The following STPG2 variants were observed in gnomAD, a reference collection of about 807,000 sequenced individuals.
The protein encoded by STPG2 is sperm tail PG-rich repeat containing 2, also known as sperm-tail PG-rich repeat-containing protein 2.
In STPG2, 56 loss-of-function variants were observed where a neutral mutation model predicts 54.2. That is an observed-to-expected ratio of 1.03 (90% CI 0.83 to 1.29). The LOEUF is 1.29. STPG2 is among the 50% of genes most tolerant of loss of function. STPG2 has a pLI of 0.00. For synonymous variants in STPG2, 200 were observed against 181.8 expected, an observed-to-expected ratio of 1.10 and a Z score of -0.81; for missense variants, 596 against 544.9, an observed-to-expected ratio of 1.09 and a Z score of -0.93.
At chr4:97,595,028 G>A (rs1013503188) in intron 10 of STPG2, among the ~76,000 whole-genome samples, 3 of 152,148 alleles carry the variant, frequency 2.0e-5, no homozygotes, top group Non-Finnish European at 4.4e-5. Flanking sequence ...CAACCATTGT[G>A]GAAGTCAGTG....
At chr4:97,766,056 G>A (rs760597369) in intron 9 of STPG2, among the ~76,000 whole-genome samples, 9 of 152,034 alleles carry the variant, frequency 5.9e-5, no homozygotes, top group Non-Finnish European at 1.0e-4. Flanking sequence ...GATATTGGGA[G>A]GTACTGATAG....
intron 9 of STPG2, among the ~76,000 whole-genome samples, chr4:97,799,413 A>T (rs1727306241): frequency 6.6e-6 from 1 of 152,138 alleles, no homozygotes; most frequent in Admixed American, 6.6e-5. Context: ...GCTTGTCTGT[A>T]AAGGATTTTA....
chr4:97,901,294 C>A (rs1351501728), intron 8 of STPG2, among the ~76,000 whole-genome samples: 1 of 151,764 alleles, frequency 6.6e-6, no homozygotes, highest in African/African-American at 2.4e-5. Context: ...CAAAGATGCC[C>A]ACTTTGCCAC....
In STPG2 at chr4:97,650,658, T is replaced by C. The variant is rs552651608; in HGVS notation, c.1320+62041A>G. Among the ~76,000 whole-genome samples the C allele has an allele frequency of 7.2e-5, 11 of 152,122 alleles. No individual in the cohort carries two copies. In the South Asian group the frequency reaches 1.7e-3, roughly 23 times the overall value. On this transcript the variant is annotated intron_variant, in intron 10 of 10. Coordinates refer to ENST00000295268, the MANE Select transcript of STPG2 (RefSeq NM_174952.3). ...TCAAAGTGGCTGCCCTTAGAGACAA[T>C]AGATGACACATGTTTCCTATTCAGA...
At chr4:97,757,449 G>T (rs1445368527) in intron 9 of STPG2, among the ~76,000 whole-genome samples, 1 of 152,082 alleles carries the variant, frequency 6.6e-6, no homozygotes, top group Non-Finnish European at 1.5e-5. Flanking sequence ...AGTGCAATAT[G>T]GTCTTAACTC....
chr4:97,511,972 G>A lies in STPG2; in HGVS notation c.462+200727C>T, dbSNP rs191540271. Among the ~76,000 whole-genome samples the A allele has an allele frequency of 4.3e-3, 649 of 152,140 alleles. 3 individuals carry two copies. Among genetic ancestry groups the A allele is most frequent in the South Asian group, 0.022 (106 of 4,812 alleles). ...AAGGTGGTGAGAGATGAGGCTGGAGGGATAGGTAGTGACTTTACTAGGAAA... is the reference window on the plus strand; with the variant it reads ...AAGGTGGTGAGAGATGAGGCTGGAGAGATAGGTAGTGACTTTACTAGGAAA... On this transcript the variant is annotated intron_variant, in intron 4 of 4. Coordinates refer to the STPG2 transcript ENST00000522676.
At chr4:97,578,154 G>C (rs1298268140) in intron 10 of STPG2, among the ~76,000 whole-genome samples, 1 of 147,264 alleles carries the variant, frequency 6.8e-6, no homozygotes, top group Admixed American at 6.8e-5. Context: ...ACCCAGACTG[G>C]AGTGCAGTGC....
intron 5 of STPG2, among the ~76,000 whole-genome samples, chr4:98,067,292 C>G (rs1369097183): frequency 6.6e-6 from 1 of 152,118 alleles, no homozygotes; most frequent in African/African-American, 2.4e-5. Flanking sequence ...CTCTGAAACT[C>G]CTCAATGTAA....
At chr4:97,459,436 TTTTG>T (rs1437581943) in intron 4 of STPG2, among the ~76,000 whole-genome samples, 476 of 148,066 alleles carry the variant, frequency 3.2e-3, no homozygotes, top group South Asian at 0.014. Context: ...GCCTGTTTTT[TTTTG>T]TTTTTTTTTT....
intron 4 of STPG2, among the ~76,000 whole-genome samples, chr4:97,478,497 A>G (rs1158997070): frequency 6.6e-6 from 1 of 152,110 alleles, no homozygotes; most frequent in Non-Finnish European, 1.5e-5. Context: ...AACCTTGATG[A>G]CTGCCAATTA....
In STPG2 at chr4:97,828,317, C is replaced by T. The variant is rs186462610; in HGVS notation, c.1204+12456G>A. On this transcript the variant is annotated intron_variant, in intron 9 of 10. Transcript: ENST00000295268. Reference sequence around the variant, plus strand: ...AATTCTCTCCTGAACTCAAGGGAAGCCATGAGGGACTGTGCTGTGAGGAAT... The same window carrying T: ...AATTCTCTCCTGAACTCAAGGGAAGTCATGAGGGACTGTGCTGTGAGGAAT... Among the ~76,000 whole-genome samples, 16 of 152,248 alleles carry T rather than the reference C, an allele frequency of 1.1e-4. No individual in the cohort carries two copies. The East Asian group carries it at 2.9e-3, about 28-fold the overall frequency.
intron 8 of STPG2, among the ~76,000 whole-genome samples, chr4:97,871,478 T>C (rs1578642345): frequency 6.6e-6 from 1 of 151,044 alleles, no homozygotes; most frequent in South Asian, 2.1e-4. Flanking sequence ...GAAATAATTA[T>C]TGAATCAGAA....
chr4:97,828,728 T>C (rs1728344211), intron 9 of STPG2, among the ~76,000 whole-genome samples: 2 of 152,174 alleles, frequency 1.3e-5, no homozygotes, highest in African/African-American at 4.8e-5. Flanking sequence ...CCACCACTGC[T>C]GAGGCTTAAG....
intron 9 of STPG2, among the ~76,000 whole-genome samples, chr4:97,823,417 T>G (rs983261156): frequency 3.3e-5 from 5 of 152,216 alleles, no homozygotes; most frequent in African/African-American, 1.2e-4. Context: ...CCTGGGTGAA[T>G]GCACATCTGA....
At chr4:97,819,307 A>C (rs1173710578) in intron 9 of STPG2, among the ~76,000 whole-genome samples, 3 of 152,034 alleles carry the variant, frequency 2.0e-5, no homozygotes, top group Non-Finnish European at 4.4e-5. Context: ...ATTATAAGTC[A>C]CTGAGAAAAC....
intron 10 of STPG2, among the ~76,000 whole-genome samples, chr4:97,672,084 T>A (rs562534998): frequency 3.3e-5 from 5 of 151,522 alleles, no homozygotes; most frequent in Admixed American, 2.0e-4. Context: ...ACAAAAAAAA[T>A]TAAACAGAAG....
chr4:97,749,361 C>T (rs1054569312), intron 9 of STPG2, among the ~76,000 whole-genome samples: 1 of 151,696 alleles, frequency 6.6e-6, no homozygotes, highest in African/African-American at 2.4e-5. Flanking sequence ...AGTGGCTTCA[C>T]TCACCCATTA....
At chr4:98,093,181 C>T (rs1738743062) in intron 5 of STPG2, among the ~76,000 whole-genome samples, 1 of 152,046 alleles carries the variant, frequency 6.6e-6, no homozygotes, top group Non-Finnish European at 1.5e-5. Context: ...ATCTTAAAGA[C>T]TTTGTTAATA....
At chr4:97,979,728 C>CTT (rs769113705) in intron 6 of STPG2, among the ~76,000 whole-genome samples, 58 of 140,228 alleles carry the variant, frequency 4.1e-4, no homozygotes, top group Non-Finnish European at 8.4e-4. Context: ...TCCACAATTT[C>CTT]TTTTTTTTTT....
Sources: gnomAD v4.1 joint callset for allele counts (sites outside exome capture counted in the v4.1 genomes callset) on GRCh38, gnomAD v4.1.1 for gene constraint, MANE v1.5 for transcripts, NCBI Gene and HGNC (gene_info 2026-07-23, HGNC 2026-07-21) for gene names.